Variants in DDX31 observed in about 807,000 individuals in gnomAD.
DDX31 encodes DEAD-box helicase 31, also known as ATP-dependent DNA helicase DDX31.
A neutral mutation model predicts 91.3 loss-of-function variants in DDX31; 70 were observed. That is an observed-to-expected ratio of 0.77 (90% CI 0.63 to 0.94). The LOEUF (loss-of-function observed/expected upper bound fraction) is 0.94, where lower values mean the gene tolerates loss of function less well. Among genes scored for constraint, DDX31 ranks in the 40% least tolerant of loss-of-function variants. The pLI is 0.00. For synonymous variants in DDX31, 362 were observed against 350.6 expected, an observed-to-expected ratio of 1.03 and a Z score of -0.36; for missense variants, 902 against 925.0, an observed-to-expected ratio of 0.98 and a Z score of 0.32.
At chr9:132,620,188 CT>C (rs939086382) in intron 17 of DDX31, among the ~76,000 whole-genome samples, 3 of 151,944 alleles carry the variant, frequency 2.0e-5, no homozygotes, top group African/African-American at 7.2e-5. Context: ...CAGAATAGAT[CT>C]GAGAGCCAGG....
chr9:132,651,808 C>T (rs1834203449), intron 7 of DDX31, among the ~76,000 whole-genome samples: 1 of 152,146 alleles, frequency 6.6e-6, no homozygotes. Context: ...AAGTTTGCTG[C>T]TGTAAAAATT....
chr9:132,597,242 A>G (rs1482794743), intron 19 of DDX31, among the ~76,000 whole-genome samples: 1 of 152,118 alleles, frequency 6.6e-6, no homozygotes, highest in Non-Finnish European at 1.5e-5. Flanking sequence ...GACCATGTGC[A>G]CCAGTGTCCC....
chr9:132,661,640 G>A (rs1158459221), intron 3 of DDX31, among the ~76,000 whole-genome samples: 4 of 152,178 alleles, frequency 2.6e-5, no homozygotes, highest in Non-Finnish European at 5.9e-5. Flanking sequence ...AACAAGTTTA[G>A]GTAACCCACC....
intron 16 of DDX31, 87 bp from the exon 17 acceptor site, chr9:132,625,832 G>C (rs1832360391): frequency 2.1e-6 from 2 of 942,408 alleles, no homozygotes; most frequent in Admixed American, 2.2e-5. Context: ...CTATTCTTGA[G>C]CTAATTAGAC....
rs1832354044 is a variant in DDX31, at chr9:132,625,739, A to T, written c.1638T>A (p.Ser546=). The change falls in exon 17 of 20, where the codon TCT becomes TCA. Residue 546 remains serine (S), a synonymous_variant. Transcript: ENST00000372159. ...NSLASHKINV[S]EIKMEDILCV... The stretch of plus-strand genomic sequence containing the variant: ...ACAAAATATCTTCCATCTTAATCTC[A>T]GAAACGCTGTAAAAGGAAGGGCACA... 1 of 1,610,138 alleles carries T rather than the reference A, an allele frequency of 6.2e-7. No individual in the cohort carries two copies. The highest frequency in any genetic ancestry group is 8.5e-7 in the Non-Finnish European group (1 of 1,176,902).
In DDX31 at chr9:132,648,478, T is replaced by A. The variant is rs765888337; in HGVS notation, c.814A>T (p.Ile272Phe). ...LVDHIKSTKN[I>F]HFSRLRWLVF... ...AACCACCGCAGCCGACTAAAATGAA[T>A]GTTCTTTGTGGATTTTATATGATCC... The change falls in exon 10 of 20, where the codon ATT becomes TTT. Residue 272 changes from isoleucine (I) to phenylalanine (F), a missense_variant. Coordinates refer to ENST00000372159, the MANE Select transcript of DDX31 (RefSeq NM_022779.9). 11 of 1,614,118 alleles carry A rather than the reference T, an allele frequency of 6.8e-6. No individual in the cohort carries two copies. The highest frequency in any genetic ancestry group is 9.3e-6 in the Non-Finnish European group (11 of 1,180,000).
At chr9:132,646,184 G>T in intron 12 of DDX31, 113 bp from the exon 13 acceptor site, 1 of 1,103,988 alleles carries the variant, frequency 9.1e-7, no homozygotes, top group Non-Finnish European at 1.3e-6. Context: ...AAATAAAGGT[G>T]ACTATCTTTG....
intron 18 of DDX31, among the ~76,000 whole-genome samples, chr9:132,613,574 A>C (rs2119317674): frequency 6.6e-6 from 1 of 152,238 alleles, no homozygotes; most frequent in South Asian, 2.1e-4. Context: ...GGTGCCTGTA[A>C]TCCCGGCTAC....
At chr9:132,638,193 C>T in intron 14 of DDX31, 1 of 1,470,716 alleles carries the variant, frequency 6.8e-7, no homozygotes, top group Non-Finnish European at 9.0e-7. Context: ...CATCCAGGGA[C>T]AATCAAGGAC....
chr9:132,626,798 C>A (rs934861667), intron 16 of DDX31, among the ~76,000 whole-genome samples: 1 of 152,106 alleles, frequency 6.6e-6, no homozygotes, highest in South Asian at 2.1e-4. Context: ...TGTGTCATCT[C>A]CCTGCACACC....
intron 14 of DDX31, among the ~76,000 whole-genome samples, chr9:132,636,767 A>G (rs1833145346): frequency 6.6e-6 from 1 of 152,168 alleles, no homozygotes; most frequent in Non-Finnish European, 1.5e-5. Flanking sequence ...GATTTAACTC[A>G]GCCATTTCTT....
At chr9:132,605,517 C>T (rs1032145616) in intron 19 of DDX31, among the ~76,000 whole-genome samples, 3 of 152,226 alleles carry the variant, frequency 2.0e-5, no homozygotes, top group East Asian at 1.9e-4. Flanking sequence ...ATGAGAAATA[C>T]GCAACCTGCA....
At chr9:132,666,393 A>C (rs2130866026) in intron 1 of DDX31, among the ~76,000 whole-genome samples, 1 of 151,960 alleles carries the variant, frequency 6.6e-6, no homozygotes, top group Non-Finnish European at 1.5e-5. Flanking sequence ...TCCAATTTTG[A>C]GTTGTTCTCT....
intron 6 of DDX31, among the ~76,000 whole-genome samples, chr9:132,653,315 GA>G (rs1221173534): frequency 3.3e-5 from 5 of 151,458 alleles, no homozygotes; most frequent in African/African-American, 1.2e-4. Context: ...CCAACATGGT[GA>G]AACCCCGTCT....
intron 19 of DDX31, among the ~76,000 whole-genome samples, chr9:132,610,277 C>G (rs1831249710): frequency 6.6e-6 from 1 of 152,350 alleles, no homozygotes; most frequent in Non-Finnish European, 1.5e-5. Flanking sequence ...CAGCCCTGCT[C>G]TGCACTCCTG....
chr9:132,640,320 G>A (rs1833416484), intron 14 of DDX31, among the ~76,000 whole-genome samples: 1 of 152,152 alleles, frequency 6.6e-6, no homozygotes, highest in African/African-American at 2.4e-5. Context: ...AGAGGGACTA[G>A]CATGAATCAA....
intron 14 of DDX31, among the ~76,000 whole-genome samples, chr9:132,633,760 T>C (rs1430883262): frequency 6.6e-6 from 1 of 152,198 alleles, no homozygotes; most frequent in Non-Finnish European, 1.5e-5. Context: ...TTAATGAACT[T>C]TGATACTTTT....
chr9:132,664,737 A>C (rs1237545550), intron 1 of DDX31, among the ~76,000 whole-genome samples: 1 of 150,114 alleles, frequency 6.7e-6, no homozygotes, highest in Non-Finnish European at 1.5e-5. Context: ...AAAAAAAAAA[A>C]CTGTAATATG....
intron 16 of DDX31, among the ~76,000 whole-genome samples, chr9:132,627,338 C>G (rs1590021478): frequency 6.6e-6 from 1 of 152,126 alleles, no homozygotes; most frequent in Non-Finnish European, 1.5e-5. Flanking sequence ...CCTAAGCAAA[C>G]AGGAGCTGAG....
Sources: gnomAD v4.1 joint callset for allele counts (sites outside exome capture counted in the v4.1 genomes callset) on GRCh38, gnomAD v4.1.1 for gene constraint, MANE v1.5 for transcripts, NCBI Gene and HGNC (gene_info 2026-07-23, HGNC 2026-07-21) for gene names.